The following SLC25A46 variants were observed in gnomAD, a reference collection of about 807,000 sequenced individuals.
SLC25A46 encodes the protein solute carrier family 25 member 46.
SLC25A46 carries 39 observed loss-of-function variants against 44.6 expected under a neutral mutation model. The ratio of observed to expected loss-of-function variants is 0.87; its 90% CI spans 0.68 to 1.14. The LOEUF is 1.14. Among genes scored for constraint, SLC25A46 ranks in the 50% most tolerant of loss-of-function variants. The probability of loss-of-function intolerance (pLI) is 0.00; values close to 1 mark genes in which losing one functional copy is unlikely to be tolerated. For missense variants in SLC25A46, 547 were observed against 522.7 expected (o/e 1.05, Z -0.45); for synonymous variants, 202 against 185.8 (o/e 1.09, Z -0.71).
chr5:110,746,153 G>A (rs917230786), intron 3 of SLC25A46, 116 bp from the exon 4 acceptor site: 42 of 817,910 alleles, frequency 5.1e-5, no homozygotes, highest in Non-Finnish European at 8.0e-5. Flanking sequence ...TGTAATTTAT[G>A]TTGACTTTGG....
upstream of SLC25A46, chr5:110,738,976 T>C (rs17132319): frequency 1.6e-5 from 23 of 1,454,364 alleles, no homozygotes; most frequent in Admixed American, 2.2e-4. Context: ...CTCCGAAGAC[T>C]TCCGGGTTTC....
rs556902826 is a variant in SLC25A46, at chr5:110,763,553, T to G, written c.*1771T>G. On this transcript the variant is annotated 3_prime_UTR_variant, in exon 8 of 8. Transcript: ENST00000355943. ...GCATTTAAATTGTTTTCAATTAGGATAGTTTCAGATAAGAGTAAACCAGAA... is the reference window on the plus strand; with the variant it reads ...GCATTTAAATTGTTTTCAATTAGGAGAGTTTCAGATAAGAGTAAACCAGAA... 1.3e-4 allele frequency: 19 copies of G among 151,994 alleles called. No individual in the cohort carries two copies. The highest frequency in any genetic ancestry group is 4.3e-4 in the African/African-American group (18 of 41,526). 9.4% of individuals were successfully genotyped at this position (151,994 alleles called of 1,614,324 possible).
In SLC25A46 at chr5:110,739,358, C is replaced by G; in HGVS notation, c.239C>G (p.Pro80Arg). The change falls in exon 1 of 8, where the codon CCC becomes CGC. Residue 80 changes from proline to arginine, a missense_variant. By Grantham distance (103) the Pro-to-Arg change is moderately radical. Coordinates refer to ENST00000355943, the MANE Select transcript of SLC25A46 (RefSeq NM_138773.4). ...STPYEGPTEE[P>R]FSSGGGGSVQ... Reference sequence around the variant, plus strand: ...CCGTACGAAGGCCCCACGGAGGAACCCTTTTCCAGTGGCGGCGGCGGCAGT... The same window carrying G: ...CCGTACGAAGGCCCCACGGAGGAACGCTTTTCCAGTGGCGGCGGCGGCAGT... 2 of 1,561,172 alleles carry G rather than the reference C, an allele frequency of 1.3e-6. No homozygotes were observed. Among genetic ancestry groups the G allele is most frequent in the Non-Finnish European group, 1.7e-6 (2 of 1,154,938 alleles).
chr5:110,748,722 G>A (rs2150411486), intron 5 of SLC25A46, among the ~76,000 whole-genome samples: 1 of 152,262 alleles, frequency 6.6e-6, no homozygotes, highest in South Asian at 2.1e-4. Flanking sequence ...TTTAATGAAG[G>A]AGACACATGT....
intron 5 of SLC25A46, among the ~76,000 whole-genome samples, chr5:110,753,145 G>A (rs1248356964): frequency 1.1e-4 from 16 of 152,086 alleles, no homozygotes. Flanking sequence ...GGAGACTTTG[G>A]TAAGAGCTGT....
At chr5:110,738,793 A>C, upstream of SLC25A46, 2 of 436,146 alleles carry the variant, frequency 4.6e-6, no homozygotes, top group South Asian at 3.0e-5. Flanking sequence ...TGCAGGCCCT[A>C]TTCCTACACC....
Position 110,746,318 on chromosome 5 carries a change from A to G in SLC25A46, c.434A>G (p.Asn145Ser). The change falls in exon 4 of 8, where the codon AAT (asparagine) becomes AGT (serine). Residue 145 changes from asparagine to serine, a missense_variant. Transcript: ENST00000355943. ...HYHLTPFTVI[N>S]IMYSFNKTQG... Reference sequence around the variant, plus strand: ...CATCTCACTCCATTTACAGTCATCAATATTATGTACAGTTTCAACAAAACT... The same window carrying G: ...CATCTCACTCCATTTACAGTCATCAGTATTATGTACAGTTTCAACAAAACT... The G allele has an allele frequency of 6.3e-7, 1 of 1,593,322 alleles. No homozygotes were observed. Among genetic ancestry groups the G allele is most frequent in the South Asian group, 1.1e-5 (1 of 87,354 alleles).
chr5:110,747,324 G>A (rs1234243431), intron 4 of SLC25A46, among the ~76,000 whole-genome samples: 1 of 151,984 alleles, frequency 6.6e-6, no homozygotes, highest in Non-Finnish European at 1.5e-5. Context: ...ATGATCTCCA[G>A]GATATTTTTT....
intron 3 of SLC25A46, 67 bp from the exon 4 acceptor site, chr5:110,746,202 T>C: frequency 7.9e-7 from 1 of 1,267,162 alleles, no homozygotes; most frequent in South Asian, 1.3e-5. Flanking sequence ...ACCATATTTC[T>C]TTCATGGCTC....
rs112278187 is a variant in SLC25A46 at position 110,741,754 on chromosome 5, AATT to A, written c.284-291_284-289del. 9.2e-3 allele frequency: 2,162 copies of A among 235,280 alleles called. 41 individuals carry two copies. Among genetic ancestry groups the A allele is most frequent in the African/African-American group, 0.045 (2,017 of 44,464 alleles). 14.6% of individuals were successfully genotyped at this position (235,280 alleles called of 1,614,324 possible). A position where few individuals can be genotyped will look rare whatever the true frequency, so the allele number is the denominator to read the frequency against. On this transcript the variant is annotated intron_variant, in intron 1 of 7. Coordinates refer to ENST00000355943, the MANE Select transcript of SLC25A46 (RefSeq NM_138773.4). ...AAATGAGAATATCTTTTTTTGAAAA[AATT>A]ACAACTTCAAAACCCTGGGCCCACA...
intron 3 of SLC25A46, 92 bp downstream of exon 3, chr5:110,743,879 G>T: frequency 1.1e-6 from 1 of 937,578 alleles, no homozygotes; most frequent in African/African-American, 1.7e-5. Context: ...CCAGGTAATT[G>T]TTACTTCATG....
Position 110,746,315 on chromosome 5 carries a change from TCAA to T in SLC25A46, c.432_434del (p.Asn145del). On this transcript the variant is annotated inframe_deletion, in exon 4 of 8. Coordinates refer to ENST00000355943, the MANE Select transcript of SLC25A46 (RefSeq NM_138773.4). ...TACCATCTCACTCCATTTACAGTCA[TCAA>T]TATTATGTACAGTTTCAACAAAACT... The T allele has an allele frequency of 6.3e-7, 1 of 1,593,348 alleles. No homozygotes were observed. Among genetic ancestry groups the T allele is most frequent in the East Asian group, 2.3e-5 (1 of 43,290 alleles).
intron 7 of SLC25A46, among the ~76,000 whole-genome samples, chr5:110,759,703 G>C (rs1800200443): frequency 6.6e-6 from 1 of 152,110 alleles, no homozygotes; most frequent in Non-Finnish European, 1.5e-5. Flanking sequence ...GTTTGAGAAG[G>C]ATGGAAAGTC....
At chr5:110,748,106 C>A in intron 4 of SLC25A46, 57 bp from the exon 5 acceptor site, 1 of 1,205,410 alleles carries the variant, frequency 8.3e-7, no homozygotes, top group Non-Finnish European at 1.2e-6. Flanking sequence ...TTATTAAGAT[C>A]TTTTGTGTTT....
At position 110,762,832 on chromosome 5, in the gene SLC25A46, G is replaced by T. The variant is rs779900238; in HGVS notation, c.*1050G>T. On this transcript the variant is annotated 3_prime_UTR_variant, in exon 8 of 8. Coordinates refer to ENST00000355943, the MANE Select transcript of SLC25A46 (RefSeq NM_138773.4). ...TAGTCACCACTAAATAATGGCTTCC[G>T]TTTTTATTTTCTTTCAGGTTTTGCT... 1 of 151,686 alleles carries T rather than the reference G, an allele frequency of 6.6e-6. No homozygotes were observed. The highest frequency in any genetic ancestry group is 1.5e-5 in the Non-Finnish European group (1 of 67,822). The allele number at this position is 151,686 out of a possible 1,614,324, so 9.4% of individuals were successfully genotyped here. A position where few individuals can be genotyped will look rare whatever the true frequency, so the allele number is the denominator to read the frequency against.
intron 1 of SLC25A46, 32 bp downstream of exon 1, chr5:110,739,434 G>A: frequency 1.3e-6 from 2 of 1,505,438 alleles, no homozygotes; most frequent in Non-Finnish European, 1.8e-6. Flanking sequence ...ACAGGGATGA[G>A]GGGTTACTGG....
chr5:110,738,342 T>G, upstream of SLC25A46: 1 of 916,542 alleles, frequency 1.1e-6, no homozygotes. Flanking sequence ...CCTGAGTGAT[T>G]TAGACACATC....
Position 110,762,796 on chromosome 5 carries a change from T to A in SLC25A46, c.*1014T>A, listed in dbSNP as rs1043172923. On this transcript the variant is annotated 3_prime_UTR_variant, in exon 8 of 8. Transcript: ENST00000355943. ...AATTCATCTGGGAATTTGTGCCTCT[T>A]GTCTAGTATATAGTCACCACTAAAT... The A allele has an allele frequency of 2.0e-5, 3 of 151,974 alleles. No individual in the cohort carries two copies. The highest frequency in any genetic ancestry group is 2.9e-5 in the Non-Finnish European group (2 of 67,916). The allele number at this position is 151,974 out of a possible 1,614,324, so 9.4% of individuals were successfully genotyped here. A position where few individuals can be genotyped will look rare whatever the true frequency, so the allele number is the denominator to read the frequency against.
At chr5:110,738,484 A>C (rs1799451289), upstream of SLC25A46, among the ~76,000 whole-genome samples, 2 of 152,172 alleles carry the variant, frequency 1.3e-5, no homozygotes, top group Non-Finnish European at 1.5e-5. Context: ...TTCAACTTTT[A>C]AAATGCTTGC....
Sources: allele counts gnomAD v4.1 joint callset (sites outside exome capture counted in the v4.1 genomes callset), GRCh38; gene constraint gnomAD v4.1.1; transcripts MANE v1.5; gene names NCBI Gene and HGNC (gene_info 2026-07-23, HGNC 2026-07-21).